MACROD2: variants seen among roughly 807,000 people sequenced by gnomAD.
MACROD2 encodes mono-ADP ribosylhydrolase 2, also known as ADP-ribose glycohydrolase MACROD2.
A neutral mutation model predicts 70.4 loss-of-function variants in MACROD2; 36 were observed. That is an observed-to-expected ratio of 0.51 (90% CI 0.39 to 0.68). The LOEUF is 0.68. MACROD2 is among the 30% of genes least tolerant of loss of function. The pLI, the probability that MACROD2 is intolerant of heterozygous loss-of-function variation, is 0.00. For synonymous variants in MACROD2, 172 were observed against 178.8 expected, an observed-to-expected ratio of 0.96 and a Z score of 0.30; for missense variants, 496 against 538.4, an observed-to-expected ratio of 0.92 and a Z score of 0.78.
Position 15,190,366 on chromosome 20 carries a change from T to A in MACROD2, c.419-39574T>A, listed in dbSNP as rs563085543. On this transcript the variant is annotated intron_variant, in intron 5 of 17. Coordinates refer to ENST00000684519, the MANE Select transcript of MACROD2 (RefSeq NM_001351661.2). Reference sequence around the variant, plus strand: ...TAGTTAAATGGCTCAGCAGATGAGCTCAGTGCTCATCCCATATTCATAGTC... The same window carrying A: ...TAGTTAAATGGCTCAGCAGATGAGCACAGTGCTCATCCCATATTCATAGTC... 1.8e-3 allele frequency among the ~76,000 whole-genome samples: 281 copies of A among 152,228 alleles called. 1 individual carries two copies. Among genetic ancestry groups the A allele is most frequent in the African/African-American group, 5.6e-3 (232 of 41,564 alleles).
intron 3 of MACROD2, among the ~76,000 whole-genome samples, chr20:14,402,625 T>G (rs1171567775): frequency 6.6e-6 from 1 of 152,126 alleles, no homozygotes; most frequent in African/African-American, 2.4e-5. Flanking sequence ...TGTGTCTCAG[T>G]TACAGCTGAG....
chr20:15,601,872 C>CA (rs2048825412), intron 8 of MACROD2, among the ~76,000 whole-genome samples: 1 of 151,906 alleles, frequency 6.6e-6, no homozygotes, highest in South Asian at 2.1e-4. Context: ...ACTAAAAATA[C>CA]AAAAAACTAG....
chr20:15,239,558 C>T (rs1378880940), intron 6 of MACROD2, among the ~76,000 whole-genome samples: 2 of 152,082 alleles, frequency 1.3e-5, no homozygotes, highest in Non-Finnish European at 2.9e-5. Context: ...TTAAGTTCAG[C>T]AGTATATTAA....
At chr20:14,959,571 G>GAACA (rs10661526) in intron 5 of MACROD2, among the ~76,000 whole-genome samples, 4,578 of 152,140 alleles carry the variant, frequency 0.03, 233 homozygotes, top group African/African-American at 0.1. Context: ...ACATAGGCTG[G>GAACA]AACACAAGGG....
intron 10 of MACROD2, among the ~76,000 whole-genome samples, chr20:15,928,252 T>C (rs916085640): frequency 6.6e-6 from 1 of 152,212 alleles, no homozygotes; most frequent in Non-Finnish European, 1.5e-5. Flanking sequence ...GTTCTTGTCC[T>C]GTTCTTGCAA....
chr20:15,669,815 G>A (rs544474289), intron 8 of MACROD2, among the ~76,000 whole-genome samples: 2 of 152,310 alleles, frequency 1.3e-5, no homozygotes, highest in African/African-American at 4.8e-5. Context: ...AGAACCAGGG[G>A]CACAAAGGGC....
At chr20:15,137,216 C>G (rs2076155591) in intron 5 of MACROD2, among the ~76,000 whole-genome samples, 1 of 151,216 alleles carries the variant, frequency 6.6e-6, no homozygotes, top group South Asian at 2.1e-4. Context: ...TGGGTATATA[C>G]CCAAAGGACT....
intron 4 of MACROD2, among the ~76,000 whole-genome samples, chr20:14,551,686 A>C (rs1434308332): frequency 1.3e-5 from 2 of 152,178 alleles, no homozygotes; most frequent in Non-Finnish European, 2.9e-5. Flanking sequence ...ATAGCTATGC[A>C]TTGGATGTTT....
At chr20:15,656,948 A>G (rs1234435218) in intron 8 of MACROD2, among the ~76,000 whole-genome samples, 2 of 152,184 alleles carry the variant, frequency 1.3e-5, no homozygotes, top group East Asian at 1.9e-4. Flanking sequence ...TAAGTATATG[A>G]TAAAAATAAA....
chr20:14,916,120 A>G (rs1451377127), intron 5 of MACROD2, among the ~76,000 whole-genome samples: 2 of 152,140 alleles, frequency 1.3e-5, no homozygotes, highest in Non-Finnish European at 2.9e-5. Flanking sequence ...TCCTCATCCT[A>G]TGGTGCCCAC....
At position 15,121,329 on chromosome 20, in the gene MACROD2, C is replaced by T. The variant is rs544306731; in HGVS notation, c.419-108611C>T. 3.7e-3 allele frequency among the ~76,000 whole-genome samples: 564 copies of T among 151,912 alleles called. 3 individuals are homozygous for T. Among genetic ancestry groups the T allele is most frequent in the Non-Finnish European group, 6.3e-3 (428 of 67,926 alleles). On this transcript the variant is annotated intron_variant, in intron 5 of 17. Transcript: ENST00000684519. ...GAATTCGAGACCAGCCTGGCCAACA[C>T]GGTGAAACCCTGTCGCTACAAAAAA...
intron 3 of MACROD2, among the ~76,000 whole-genome samples, chr20:14,123,977 T>G (rs563622837): frequency 6.6e-6 from 1 of 152,294 alleles, no homozygotes; most frequent in African/African-American, 2.4e-5. Flanking sequence ...TCTTCTTTCA[T>G]GTATGTTTAA....
chr20:14,821,444 A>G (rs990793171), intron 5 of MACROD2, among the ~76,000 whole-genome samples: 1 of 152,016 alleles, frequency 6.6e-6, no homozygotes, highest in Non-Finnish European at 1.5e-5. Context: ...TCTGAGTACC[A>G]TCTCTGTAAA....
At chr20:15,139,231 GA>G (rs2076173428) in intron 5 of MACROD2, among the ~76,000 whole-genome samples, 1 of 152,154 alleles carries the variant, frequency 6.6e-6, no homozygotes, top group African/African-American at 2.4e-5. Flanking sequence ...GGAAAACAAT[GA>G]ACATGTCACC....
intron 5 of MACROD2, among the ~76,000 whole-genome samples, chr20:14,721,547 G>T (rs1476258637): frequency 6.6e-6 from 1 of 152,148 alleles, no homozygotes; most frequent in Non-Finnish European, 1.5e-5. Context: ...TTACACATGA[G>T]AAATAATTGC....
intron 6 of MACROD2, among the ~76,000 whole-genome samples, chr20:15,369,039 C>T (rs528689131): frequency 6.6e-6 from 1 of 152,140 alleles, no homozygotes; most frequent in East Asian, 1.9e-4. Context: ...TGAATTGTGC[C>T]ATTATAATGG....
chr20:15,185,886 G>A (rs140743569), intron 5 of MACROD2, among the ~76,000 whole-genome samples: 3 of 152,206 alleles, frequency 2.0e-5, no homozygotes, highest in Non-Finnish European at 4.4e-5. Context: ...AACTCCTGTC[G>A]GGAATTTGGG....
intron 4 of MACROD2, among the ~76,000 whole-genome samples, chr20:14,653,830 C>T (rs1226794229): frequency 6.6e-6 from 1 of 152,102 alleles, no homozygotes; most frequent in African/African-American, 2.4e-5. Flanking sequence ...AGTAATGCCT[C>T]AAAAAGCAGT....
chr20:15,707,613 G>C (rs111989443), intron 8 of MACROD2, among the ~76,000 whole-genome samples: 1 of 151,992 alleles, frequency 6.6e-6, no homozygotes, highest in African/African-American at 2.4e-5. Flanking sequence ...GGGAAACCCC[G>C]TCTCTACAAA....
Sources: allele counts gnomAD v4.1 joint callset (sites outside exome capture counted in the v4.1 genomes callset), GRCh38; gene constraint gnomAD v4.1.1; transcripts MANE v1.5; gene names NCBI Gene and HGNC (gene_info 2026-07-23, HGNC 2026-07-21).